Variants in DGKG observed in about 807,000 individuals in gnomAD.
DGKG encodes the protein DAG kinase gamma.
In DGKG, 78 loss-of-function variants were observed where a neutral mutation model predicts 105.3. The observed-to-expected ratio is 0.74, with a 90% confidence interval of 0.62 to 0.89. DGKG has a LOEUF of 0.89. DGKG is among the 40% of genes least tolerant of loss of function. DGKG has a pLI of 0.00. For synonymous variants in DGKG, 346 were observed against 367.1 expected, an observed-to-expected ratio of 0.94 and a Z score of 0.66; for missense variants, 958 against 1,020.1, an observed-to-expected ratio of 0.94 and a Z score of 0.83.
chr3:186,246,655 G>A (rs1720957082), intron 19 of DGKG, among the ~76,000 whole-genome samples: 1 of 152,218 alleles, frequency 6.6e-6, no homozygotes, highest in Non-Finnish European at 1.5e-5. Context: ...CACTGTATTA[G>A]TATCTTCATG....
At chr3:186,344,368 A>G (rs1221680989) in intron 1 of DGKG, among the ~76,000 whole-genome samples, 1 of 149,186 alleles carries the variant, frequency 6.7e-6, no homozygotes, top group Non-Finnish European at 1.5e-5. Flanking sequence ...GGATAAAGAA[A>G]ATGTGGTACA....
chr3:186,235,516 G>A (rs1720374161), intron 20 of DGKG, among the ~76,000 whole-genome samples: 1 of 152,196 alleles, frequency 6.6e-6, no homozygotes, highest in African/African-American at 2.4e-5. Context: ...CCTTGAGAAA[G>A]TCACACATCT....
chr3:186,260,427 T>C lies in DGKG; in HGVS notation c.1424+12A>G, dbSNP rs370042093. On this transcript the variant is annotated intron_variant, in intron 16 of 24. Transcript: ENST00000265022. Reference sequence around the variant, plus strand: ...GGGGAGAAATAAGAGGTAAAGATTGTGATCTCCATACCCTGGAGTAGGCCC... The same window carrying C: ...GGGGAGAAATAAGAGGTAAAGATTGCGATCTCCATACCCTGGAGTAGGCCC... 3 of 1,592,430 alleles carry C rather than the reference T, an allele frequency of 1.9e-6. No individual in the cohort carries two copies. Among genetic ancestry groups the C allele is most frequent in the African/African-American group, 2.7e-5 (2 of 74,550 alleles).
rs529213665 is a variant in DGKG, at chr3:186,193,917, A to C, written c.1918-5538T>G. On this transcript the variant is annotated intron_variant, in intron 21 of 24. Transcript: ENST00000265022. ...CCGAGCCGAGGCTGCGCTGGGCGGA[A>C]CCAGGGATTTATAGCCCGGAGTGGG... is the stretch of plus-strand genomic sequence containing the variant. Among the ~76,000 whole-genome samples the C allele has an allele frequency of 2.2e-4, 34 of 152,334 alleles. 1 individual carries two copies. In the South Asian group the frequency reaches 6.8e-3, roughly 31 times the overall value.
chr3:186,358,811 G>C (rs187706047), intron 1 of DGKG, among the ~76,000 whole-genome samples: 6 of 152,240 alleles, frequency 3.9e-5, no homozygotes, highest in Admixed American at 3.3e-4. Context: ...GGTTAAGCTT[G>C]CTGAACCTGG....
rs544973794 is a variant in DGKG, at chr3:186,231,608, T to C, written c.1826+10896A>G. Among the ~76,000 whole-genome samples the C allele has an allele frequency of 5.3e-5, 8 of 152,124 alleles. No homozygotes were observed. In the South Asian group the frequency reaches 1.7e-3, roughly 32 times the overall value. ...CTAAACACTTTAATAAATGAGCTCA[T>C]GGTTATTCATGCTTTAAAAACTATA... On this transcript the variant is annotated intron_variant, in intron 20 of 24. Coordinates refer to ENST00000265022, the MANE Select transcript of DGKG (RefSeq NM_001346.3). The surrounding 1 kb of genome is among the most constrained non-coding windows in gnomAD (Gnocchi z 4.5).
Position 186,268,909 on chromosome 3 carries a change from C to G in DGKG, c.1008G>C (p.Gln336His). Residue 336 changes from glutamine to histidine, a missense_variant, in exon 12 of 25, where the codon CAG becomes CAC. By Grantham distance (24) the Gln-to-His change is conservative (BLOSUM62 0). Transcript: ENST00000265022. ...SKAKRSGEVM[Q>H]HAWVEGNSSV... Reference sequence around the variant, plus strand: ...AGGAGTTCCCTTCCACCCATGCGTGCTGCATCACCTGCGGGAGGGAAGCGA... The same window carrying G: ...AGGAGTTCCCTTCCACCCATGCGTGGTGCATCACCTGCGGGAGGGAAGCGA... The G allele has an allele frequency of 6.2e-7, 1 of 1,612,186 alleles. No homozygotes were observed. Among genetic ancestry groups the G allele is most frequent in the Non-Finnish European group, 8.5e-7 (1 of 1,178,472 alleles).
chr3:186,158,319 T>C (rs1043171203), intron 24 of DGKG: 1 of 907,098 alleles, frequency 1.1e-6, no homozygotes, highest in Non-Finnish European at 1.3e-6. Flanking sequence ...CTTCCAAATA[T>C]AGTTTAGGCT....
In DGKG at chr3:186,243,652, C is replaced by T. The variant is rs577294397; in HGVS notation, c.1762-1084G>A. ...AGAAGAATGTGTAACGCCCCTTCAC[C>T]GCTCAGGCCCCATACTGGTACTTTG... On this transcript the variant is annotated intron_variant, in intron 19 of 24. Transcript: ENST00000265022. 3.6e-3 allele frequency among the ~76,000 whole-genome samples: 554 copies of T among 152,232 alleles called. 3 individuals are homozygous for T. The highest frequency in any genetic ancestry group is 0.013 in the African/African-American group (522 of 41,528).
chr3:186,215,757 C>T (rs1719256079), intron 20 of DGKG, among the ~76,000 whole-genome samples: 1 of 152,042 alleles, frequency 6.6e-6, no homozygotes, highest in Non-Finnish European at 1.5e-5. Context: ...AAGTTTTTGT[C>T]TTAGACAGCG....
chr3:186,244,968 C>T (rs1418221611), intron 19 of DGKG, among the ~76,000 whole-genome samples: 3 of 152,082 alleles, frequency 2.0e-5, no homozygotes, highest in Non-Finnish European at 4.4e-5. Flanking sequence ...GAAAATATTC[C>T]ATCTACTTCT....
Position 186,303,413 on chromosome 3 carries a change from T to C in DGKG, c.144+3488A>G, listed in dbSNP as rs188429799. Among the ~76,000 whole-genome samples the C allele has an allele frequency of 6.2e-4, 95 of 152,294 alleles. No homozygotes were observed. The Middle Eastern group carries it at 0.01, about 16-fold the overall frequency. ...CAGCAGCTTTTATGCAGGAATTAGCTGGGCAATTTGCTCCTGCTGCAACAC... is the reference window on the plus strand; with the variant it reads ...CAGCAGCTTTTATGCAGGAATTAGCCGGGCAATTTGCTCCTGCTGCAACAC... On this transcript the variant is annotated intron_variant, in intron 3 of 24. Transcript: ENST00000265022.
rs1715623306 is a variant in DGKG, at chr3:186,148,916, T to C, written c.*1174A>G. 1 of 911,970 alleles carries C rather than the reference T, an allele frequency of 1.1e-6. No individual in the cohort carries two copies. The highest frequency in any genetic ancestry group is 6.8e-5 in the Admixed American group (1 of 14,628). The allele number at this position is 911,970 out of a possible 1,614,324, so 56.5% of individuals were successfully genotyped here. A position where few individuals can be genotyped will look rare whatever the true frequency, so the allele number is the denominator to read the frequency against. Reference sequence around the variant, plus strand: ...CACTTTCTGTCTCATACTACCTATGTTTTTTTTTTCCAATGAGGAAAAGTC... The same window carrying C: ...CACTTTCTGTCTCATACTACCTATGCTTTTTTTTTCCAATGAGGAAAAGTC... On this transcript the variant is annotated 3_prime_UTR_variant, in exon 25 of 25. Transcript: ENST00000265022.
intron 21 of DGKG, among the ~76,000 whole-genome samples, chr3:186,209,423 T>C (rs757910236): frequency 6.6e-6 from 1 of 152,148 alleles, no homozygotes; most frequent in Non-Finnish European, 1.5e-5. Flanking sequence ...TCTAAATCTC[T>C]GTGCCTCAGC....
chr3:186,318,926 C>A (rs1724948555), intron 2 of DGKG, among the ~76,000 whole-genome samples: 1 of 152,164 alleles, frequency 6.6e-6, no homozygotes, highest in Non-Finnish European at 1.5e-5. Context: ...CCAGCTGTAC[C>A]AGAGCTGTTT....
At chr3:186,177,887 G>A (rs775292226) in intron 22 of DGKG, among the ~76,000 whole-genome samples, 2 of 152,202 alleles carry the variant, frequency 1.3e-5, no homozygotes, top group East Asian at 1.9e-4. Context: ...TGGACTGAAT[G>A]TTTGTGTTCC....
intron 11 of DGKG, among the ~76,000 whole-genome samples, chr3:186,271,252 A>G (rs1020625441): frequency 9.9e-5 from 15 of 152,198 alleles, no homozygotes; most frequent in Non-Finnish European, 1.5e-5. Context: ...TGACCGAGTT[A>G]GAAACCTGGG....
intron 17 of DGKG, among the ~76,000 whole-genome samples, chr3:186,257,346 T>C (rs1721529210): frequency 6.6e-6 from 1 of 152,248 alleles, no homozygotes; most frequent in Non-Finnish European, 1.5e-5. Context: ...CCTTCTGGCC[T>C]GGGCCTTTTT....
chr3:186,235,886 C>A (rs1008861276), intron 20 of DGKG, among the ~76,000 whole-genome samples: 2 of 152,184 alleles, frequency 1.3e-5, no homozygotes, highest in Non-Finnish European at 2.9e-5. Flanking sequence ...AGTCCATGAC[C>A]CCTGCTAGTA....
Sources: gnomAD v4.1 joint callset for allele counts (sites outside exome capture counted in the v4.1 genomes callset) on GRCh38, gnomAD v4.1.1 for gene constraint, Gnocchi (gnomAD v3.1) non-coding constraint, MANE v1.5 for transcripts, NCBI Gene and HGNC (gene_info 2026-07-23, HGNC 2026-07-21) for gene names.